The following LRRC56 variants were observed in gnomAD, a reference collection of about 807,000 sequenced individuals.
LRRC56 encodes the protein leucine rich repeat containing 56.
In LRRC56, 41 loss-of-function variants were observed where a neutral mutation model predicts 47.8. The observed-to-expected ratio is 0.86, with a 90% CI of 0.67 to 1.11. The LOEUF (loss-of-function observed/expected upper bound fraction) is 1.11. Ranked by LOEUF, LRRC56 falls within the 50% of genes most tolerant of loss-of-function variation. The pLI is 0.00. For missense variants in LRRC56, 759 were observed against 704.2 expected, an observed-to-expected ratio of 1.08 and a Z score of -0.88; for synonymous variants, 387 against 311.2, an observed-to-expected ratio of 1.24 and a Z score of -2.56.
chr11:533,168 C>A, upstream of LRRC56: 1 of 1,048,822 alleles, frequency 9.5e-7, no homozygotes, highest in Non-Finnish European at 1.4e-6. Flanking sequence ...GGCAGCTCTC[C>A]CCAAGGACCT....
chr11:527,056 C>T, the LRRC56 span, among the ~76,000 whole-genome samples: 2 of 152,160 alleles, frequency 1.3e-5, no homozygotes, highest in African/African-American at 4.8e-5. Context: ...AATCCCAGCA[C>T]TTTGGGAGGC....
At chr11:531,007 G>C in the LRRC56 span, among the ~76,000 whole-genome samples, 23 of 61,496 alleles carry the variant, frequency 3.7e-4, no homozygotes, top group African/African-American at 1.2e-3. Context: ...AGAGAAGGGC[G>C]AGTGTGGCGT....
the LRRC56 span, among the ~76,000 whole-genome samples, chr11:526,010 AG>A: frequency 6.6e-6 from 1 of 152,128 alleles, no homozygotes; most frequent in Non-Finnish European, 1.5e-5. Flanking sequence ...GTTCAAGACC[AG>A]TATGGGCAAC....
the LRRC56 span, among the ~76,000 whole-genome samples, chr11:521,256 C>T: frequency 3.3e-5 from 5 of 152,192 alleles, no homozygotes; most frequent in African/African-American, 9.6e-5. Flanking sequence ...GGTAACTCAC[C>T]ATGGGTCTAG....
upstream of LRRC56, chr11:533,892 A>G (rs2133991259): frequency 6.2e-7 from 1 of 1,613,248 alleles, no homozygotes; most frequent in Non-Finnish European, 8.5e-7. Flanking sequence ...GGTATCCAGG[A>G]TGTCCAACAG....
chr11:532,400 C>T, the LRRC56 span: 1 of 618,174 alleles, frequency 1.6e-6, no homozygotes, highest in Non-Finnish European at 2.8e-6. Flanking sequence ...CACCTCGGCC[C>T]ACGGTCCCGG....
At chr11:547,678 A>G (rs1398526229) in intron 6 of LRRC56, among the ~76,000 whole-genome samples, 1 of 152,132 alleles carries the variant, frequency 6.6e-6, no homozygotes, top group Non-Finnish European at 1.5e-5. Context: ...AAGACCAACA[A>G]ATTAGCTCTA....
At chr11:523,785 G>A in the LRRC56 span, among the ~76,000 whole-genome samples, 13,816 of 151,666 alleles carry the variant, frequency 0.091, 862 homozygotes, top group Middle Eastern at 0.14. Context: ...AAAATTAGCC[G>A]GGTGTGGTGG....
chr11:545,147 G>A (rs1303996150), intron 6 of LRRC56, among the ~76,000 whole-genome samples: 2 of 152,314 alleles, frequency 1.3e-5, no homozygotes, highest in East Asian at 1.9e-4. Context: ...TGGAGCTCTT[G>A]TGTCTGCAAT....
Position 550,740 on chromosome 11 carries a change from C to T in LRRC56, c.625-391C>T, listed in dbSNP as rs1048986913. On this transcript the variant is annotated intron_variant, in intron 8 of 13. Coordinates refer to ENST00000270115, the MANE Select transcript of LRRC56 (RefSeq NM_198075.4). ...TAGCTCACAGACCCTACACAGGGCACATCTGCCCTGAGCTCACAGTGCTAG... is the reference window on the plus strand; with the variant it reads ...TAGCTCACAGACCCTACACAGGGCATATCTGCCCTGAGCTCACAGTGCTAG... Among the ~76,000 whole-genome samples, 7 of 152,278 alleles carry T rather than the reference C, an allele frequency of 4.6e-5. 1 individual carries two copies. The South Asian group carries it at 1.4e-3, about 32-fold the overall frequency.
Position 551,676 on chromosome 11 carries a change from G to A in LRRC56, c.822G>A (p.Arg274=), listed in dbSNP as rs753822507. 8 of 1,593,406 alleles carry A rather than the reference G, an allele frequency of 5.0e-6. No homozygotes were observed. Among genetic ancestry groups the A allele is most frequent in the Admixed American group, 1.8e-5 (1 of 56,374 alleles). Residue 274 remains arginine (R), a synonymous_variant, in exon 10 of 14, where the codon CGG becomes CGA. Coordinates refer to ENST00000270115, the MANE Select transcript of LRRC56 (RefSeq NM_198075.4). ...PLDCPRGAPI[R]RLDPELSLPE... ...ACTGTCCCCGTGGAGCCCCCATCCGGAGACTTGACCCCGAGCTGTCCCTGC... is the reference window on the plus strand; with the variant it reads ...ACTGTCCCCGTGGAGCCCCCATCCGAAGACTTGACCCCGAGCTGTCCCTGC...
upstream of LRRC56, chr11:532,774 G>C: frequency 6.2e-7 from 1 of 1,611,044 alleles, no homozygotes; most frequent in Non-Finnish European, 8.5e-7. Context: ...GGAGGGATGG[G>C]ATCAGGAGGG....
the LRRC56 span, among the ~76,000 whole-genome samples, chr11:531,996 G>A: frequency 6.6e-6 from 1 of 152,204 alleles, no homozygotes; most frequent in African/African-American, 2.4e-5. Context: ...CCTCCTAGTT[G>A]GTAGAAGCAC....
At chr11:545,198 T>C (rs1183900260) in intron 6 of LRRC56, among the ~76,000 whole-genome samples, 1 of 152,168 alleles carries the variant, frequency 6.6e-6, no homozygotes, top group Non-Finnish European at 1.5e-5. Flanking sequence ...CACTCAGAGC[T>C]GGGGCCAGGG....
At chr11:546,525 A>G (rs557304345) in intron 6 of LRRC56, among the ~76,000 whole-genome samples, 10 of 151,538 alleles carry the variant, frequency 6.6e-5, no homozygotes, top group Admixed American at 1.3e-4. Flanking sequence ...CCAAGATCGC[A>G]CCACTAAACT....
At chr11:544,858 G>A (rs1851994301) in intron 6 of LRRC56, 78 bp downstream of exon 6, 2 of 815,888 alleles carry the variant, frequency 2.5e-6, no homozygotes, top group Non-Finnish European at 3.9e-6. Context: ...GATGGGGGGA[G>A]AACTTGGTGG....
At chr11:515,129 G>A in the LRRC56 span, among the ~76,000 whole-genome samples, 1 of 152,166 alleles carries the variant, frequency 6.6e-6, no homozygotes, top group African/African-American at 2.4e-5. Flanking sequence ...AGACCCACAA[G>A]GCCTGGCCTG....
chr11:533,787 A>G (rs1589792507), upstream of LRRC56: 7 of 1,613,322 alleles, frequency 4.3e-6, no homozygotes, highest in East Asian at 1.6e-4. Flanking sequence ...GATGTCCTCA[A>G]AAGACTTGGT....
intron 6 of LRRC56, among the ~76,000 whole-genome samples, 198 bp downstream of exon 6, chr11:544,978 GA>G (rs943486533): frequency 1.3e-5 from 2 of 152,002 alleles, no homozygotes; most frequent in African/African-American, 4.8e-5. Flanking sequence ...CAGGTGGGGG[GA>G]GCCTGGGACA....
Sources: gnomAD v4.1 joint callset for allele counts (sites outside exome capture counted in the v4.1 genomes callset) on GRCh38, gnomAD v4.1.1 for gene constraint, MANE v1.5 for transcripts, NCBI Gene and HGNC (gene_info 2026-07-23, HGNC 2026-07-21) for gene names.